SCGB2B2: variants seen among roughly 807,000 people sequenced by gnomAD.
SCGB2B2 encodes the protein secretoglobin-like protein.
A neutral mutation model predicts 7.6 loss-of-function variants in SCGB2B2; 11 were observed. The observed-to-expected ratio is 1.45, with a 90% CI of 0.91 to 2.40. The LOEUF is 2.40. Among genes scored for constraint, SCGB2B2 ranks in the 30% most tolerant of loss-of-function variants. SCGB2B2 has a pLI of 0.00. For synonymous variants in SCGB2B2, 50 were observed against 48.6 expected, an observed-to-expected ratio of 1.03 and a Z score of -0.12; for missense variants, 104 against 115.4, an observed-to-expected ratio of 0.90 and a Z score of 0.45.
At chr19:34,607,064 C>T (rs949515339) in intron 1 of SCGB2B2, among the ~76,000 whole-genome samples, 1 of 152,182 alleles carries the variant, frequency 6.6e-6, no homozygotes, top group Admixed American at 6.5e-5. Flanking sequence ...ACACTTTGCC[C>T]CAGGCAACCA....
At chr19:34,644,369 T>G (rs2066933327) in intron 1 of SCGB2B2, among the ~76,000 whole-genome samples, 1 of 150,436 alleles carries the variant, frequency 6.6e-6, no homozygotes, top group African/African-American at 2.5e-5. Context: ...TTTGTTTTTT[T>G]TTTTTTACTC....
chr19:34,625,679 C>T (rs1600054109), intron 1 of SCGB2B2, among the ~76,000 whole-genome samples: 2 of 152,324 alleles, frequency 1.3e-5, no homozygotes, highest in South Asian at 4.1e-4. Flanking sequence ...CCTATGTAGA[C>T]TCCACCTCTA....
chr19:34,627,784 A>G (rs959026761), intron 1 of SCGB2B2, among the ~76,000 whole-genome samples: 2 of 152,252 alleles, frequency 1.3e-5, no homozygotes, highest in Non-Finnish European at 2.9e-5. Flanking sequence ...ATAGACATCT[A>G]CAGAACTCTC....
intron 1 of SCGB2B2, chr19:34,645,829 G>C (rs1305284417): frequency 4.3e-6 from 1 of 235,248 alleles, no homozygotes; most frequent in African/African-American, 2.3e-5. Flanking sequence ...TTTGCCAGGG[G>C]AGGTTTCAGT....
intron 1 of SCGB2B2, among the ~76,000 whole-genome samples, chr19:34,618,930 G>A (rs1054038715): frequency 1.3e-5 from 2 of 152,204 alleles, no homozygotes; most frequent in African/African-American, 4.8e-5. Flanking sequence ...AAACAGACAA[G>A]TCAAACAATT....
chr19:34,652,086 A>T (rs2067174817), intron 1 of SCGB2B2, among the ~76,000 whole-genome samples: 1 of 151,190 alleles, frequency 6.6e-6, no homozygotes, highest in Non-Finnish European at 1.5e-5. Context: ...ATGCCAAAAA[A>T]AATGAAACTA....
rs142875492 is a variant in SCGB2B2, at chr19:34,598,251, C to G, written c.-2031-1657G>C. Among the ~76,000 whole-genome samples the G allele has an allele frequency of 8.3e-3, 1,263 of 152,272 alleles. 16 individuals are homozygous for G. The highest frequency in any genetic ancestry group is 0.029 in the African/African-American group (1,225 of 41,550). The stretch of plus-strand genomic sequence containing the variant: ...CTTGACACAACACAACATGGCACAG[C>G]AGAGCAGTGTGCGGCACACTGGGCT... On this transcript the variant is annotated intron_variant, in intron 1 of 3. Transcript: ENST00000601241.
intron 1 of SCGB2B2, among the ~76,000 whole-genome samples, chr19:34,630,424 A>C (rs2066496838): frequency 6.6e-6 from 1 of 151,980 alleles, no homozygotes; most frequent in African/African-American, 2.4e-5. Flanking sequence ...CAACAAAAAA[A>C]CAAACAACCC....
At chr19:34,652,647 CA>C (rs971854874) in intron 1 of SCGB2B2, among the ~76,000 whole-genome samples, 3 of 151,208 alleles carry the variant, frequency 2.0e-5, no homozygotes, top group African/African-American at 7.4e-5. Flanking sequence ...CAATCAAAAC[CA>C]CATTCAGATA....
At chr19:34,588,481 C>A (rs1600027571), downstream of SCGB2B2, among the ~76,000 whole-genome samples, 3 of 152,308 alleles carry the variant, frequency 2.0e-5, no homozygotes, top group Middle Eastern at 0.01. Context: ...CGAGTGGCAC[C>A]AGGAAATGCT....
At position 34,593,261 on chromosome 19, in the gene SCGB2B2, A is replaced by G; in HGVS notation, c.*294T>C. 3 of 325,438 alleles carry G rather than the reference A, an allele frequency of 9.2e-6. No individual in the cohort carries two copies. The highest frequency in any genetic ancestry group is 7.2e-5 in the South Asian group (1 of 13,964). 20.2% of individuals were successfully genotyped at this position (325,438 alleles called of 1,614,324 possible). A position where few individuals can be genotyped will look rare whatever the true frequency, so the allele number is the denominator to read the frequency against. Reference sequence around the variant, plus strand: ...CTTGAACCCAGAAGGTGGAGGCTGCAGTGAGCCAAGATCGCGCCAATGCAC... The same window carrying G: ...CTTGAACCCAGAAGGTGGAGGCTGCGGTGAGCCAAGATCGCGCCAATGCAC... On this transcript the variant is annotated 3_prime_UTR_variant, in exon 4 of 4. Transcript: ENST00000601241.
intron 1 of SCGB2B2, among the ~76,000 whole-genome samples, chr19:34,650,481 T>G (rs1200796335): frequency 2.0e-5 from 3 of 151,032 alleles, no homozygotes; most frequent in Non-Finnish European, 4.4e-5. Flanking sequence ...TTATGAACAA[T>G]ATGACAACAA....
chr19:34,617,039 A>G (rs1358975511), intron 1 of SCGB2B2, among the ~76,000 whole-genome samples: 4 of 151,984 alleles, frequency 2.6e-5, no homozygotes, highest in Non-Finnish European at 4.4e-5. Context: ...TGTTCCATTG[A>G]TCTATATCTC....
Position 34,626,865 on chromosome 19 carries a change from C to T in SCGB2B2, c.-2031-30271G>A, listed in dbSNP as rs889842890. ...GTTAAGGGTAGCCAGAGAGAAAGGT[C>T]GGGTTACCCACAAGGGGAAGCCCAT... On this transcript the variant is annotated intron_variant, in intron 1 of 3. Coordinates refer to ENST00000601241, the MANE Select transcript of SCGB2B2 (RefSeq NM_001025591.4). Among the ~76,000 whole-genome samples, 5 of 152,186 alleles carry T rather than the reference C, an allele frequency of 3.3e-5. No homozygotes were observed. The East Asian group carries it at 5.8e-4, about 18-fold the overall frequency.
chr19:34,592,195 G>T lies in SCGB2B2; in HGVS notation c.*1360C>A, dbSNP rs543427404. ...GGTGGAAGGGAGAAAGGGCATTTTG[G>T]GCAGTGGGAGTGAGGGAGGAGAAGA... On this transcript the variant is annotated 3_prime_UTR_variant, in exon 4 of 4. Coordinates refer to ENST00000601241, the MANE Select transcript of SCGB2B2 (RefSeq NM_001025591.4). Among the ~76,000 whole-genome samples the T allele has an allele frequency of 3.9e-5, 6 of 152,260 alleles. No individual in the cohort carries two copies. The East Asian group carries it at 1.2e-3, about 29-fold the overall frequency.
intron 1 of SCGB2B2, among the ~76,000 whole-genome samples, chr19:34,658,256 C>T (rs936490874): frequency 6.6e-6 from 1 of 152,018 alleles, no homozygotes; most frequent in African/African-American, 2.4e-5. Context: ...CAGAGCAGAA[C>T]TGAAGGAGAT....
At chr19:34,608,259 T>C (rs772071942) in intron 1 of SCGB2B2, among the ~76,000 whole-genome samples, 23 of 152,084 alleles carry the variant, frequency 1.5e-4, no homozygotes, top group Non-Finnish European at 3.1e-4. Context: ...TTTTGGATAG[T>C]TCATTATCAA....
At chr19:34,644,591 T>C (rs539475713) in intron 1 of SCGB2B2, among the ~76,000 whole-genome samples, 1 of 152,292 alleles carries the variant, frequency 6.6e-6, no homozygotes, top group Admixed American at 6.5e-5. Context: ...TTTTGTTTTA[T>C]AGAGTTAGTT....
At chr19:34,625,810 C>T (rs145450889) in intron 1 of SCGB2B2, among the ~76,000 whole-genome samples, 21 of 152,334 alleles carry the variant, frequency 1.4e-4, no homozygotes, top group Admixed American at 2.6e-4. Flanking sequence ...TGAGAACGGA[C>T]AGACTGCCTC....
Sources: gnomAD v4.1 joint callset for allele counts (sites outside exome capture counted in the v4.1 genomes callset) on GRCh38, gnomAD v4.1.1 for gene constraint, MANE v1.5 for transcripts, NCBI Gene and HGNC (gene_info 2026-07-23, HGNC 2026-07-21) for gene names.